Variants in AKAP6 observed in about 807,000 individuals in gnomAD.
AKAP6 encodes the protein A-kinase anchoring protein 6.
In AKAP6, 58 loss-of-function variants were observed where a neutral mutation model predicts 188.5. That is an observed-to-expected ratio of 0.31 (90% CI 0.25 to 0.38). The LOEUF (loss-of-function observed/expected upper bound fraction) is 0.38, where lower values mean the gene tolerates loss of function less well. Among genes scored for constraint, AKAP6 ranks in the 10% least tolerant of loss-of-function variants. The pLI is 1.00. For missense variants in AKAP6, 2,710 were observed against 2,740.0 expected (o/e 0.99, Z 0.24); for synonymous variants, 989 against 998.6 (o/e 0.99, Z 0.18).
chr14:32,717,500 C>T (rs2030280860), intron 9 of AKAP6, among the ~76,000 whole-genome samples: 1 of 151,802 alleles, frequency 6.6e-6, no homozygotes, highest in South Asian at 2.1e-4. Context: ...TTGTAACTTC[C>T]CCTATTTACT....
At chr14:32,694,382 C>T (rs35990379) in intron 8 of AKAP6, among the ~76,000 whole-genome samples, 57,652 of 146,338 alleles carry the variant, frequency 0.39, 12,053 homozygotes, top group Admixed American at 0.5. Flanking sequence ...CAAAAAAAAG[C>T]GTGGTCCATG....
chr14:32,791,667 T>C (rs1394391916), intron 12 of AKAP6, among the ~76,000 whole-genome samples: 6 of 152,196 alleles, frequency 3.9e-5, no homozygotes, highest in Admixed American at 3.9e-4. Context: ...GCAATTGCTT[T>C]TGGTGTTTTA....
At position 32,591,651 on chromosome 14, in the gene AKAP6, T is replaced by C. The variant is rs200696986; in HGVS notation, c.2470-7759T>C. ...TCTTCATATCTCAGTGTCTTCTCTT[T>C]TTTTTTTTTTTTTCAAAAGGAAAAC... On this transcript the variant is annotated intron_variant, in intron 5 of 13. Transcript: ENST00000280979. Among the ~76,000 whole-genome samples the C allele has an allele frequency of 0.011, 960 of 87,054 alleles. 56 individuals are homozygous for C. The East Asian group carries it at 0.16, about 15-fold the overall frequency. The allele number at this position is 87,054 out of a possible 152,430, so 57.1% of individuals were successfully genotyped here. A position where few individuals can be genotyped will look rare whatever the true frequency, so the allele number is the denominator to read the frequency against.
At chr14:32,481,281 G>A (rs1410723121) in intron 2 of AKAP6, among the ~76,000 whole-genome samples, 1 of 152,162 alleles carries the variant, frequency 6.6e-6, no homozygotes, top group Non-Finnish European at 1.5e-5. Context: ...CTGCCTCACA[G>A]TTCGCAGATC....
At chr14:32,471,714 T>C (rs1878793831) in intron 2 of AKAP6, among the ~76,000 whole-genome samples, 1 of 152,200 alleles carries the variant, frequency 6.6e-6, no homozygotes. Flanking sequence ...CATTGAGACA[T>C]GTACCTCCAT....
intron 2 of AKAP6, among the ~76,000 whole-genome samples, chr14:32,532,536 G>T (rs17099228): frequency 6.6e-6 from 1 of 152,130 alleles, no homozygotes; most frequent in African/African-American, 2.4e-5. Flanking sequence ...GCCAAATCAT[G>T]TATAAGAGGA....
intron 8 of AKAP6, among the ~76,000 whole-genome samples, chr14:32,694,915 T>C (rs1029110720): frequency 2.0e-5 from 3 of 152,176 alleles, no homozygotes; most frequent in Admixed American, 6.5e-5. Flanking sequence ...TCATTAGTAC[T>C]GATAGGGTTT....
chr14:32,829,662 C>CT (rs1013608387), intron 13 of AKAP6, among the ~76,000 whole-genome samples, 186 bp from the exon 14 acceptor site: 5 of 151,256 alleles, frequency 3.3e-5, no homozygotes, highest in African/African-American at 7.3e-5. Context: ...TACGCTGAGA[C>CT]TTTTTTTGTC....
intron 1 of AKAP6, among the ~76,000 whole-genome samples, chr14:32,379,372 G>C (rs1359423117): frequency 6.6e-6 from 1 of 152,128 alleles, no homozygotes; most frequent in Non-Finnish European, 1.5e-5. Flanking sequence ...CTGTAATACA[G>C]GTTCTCTGTT....
At chr14:32,590,957 A>T (rs1480850697) in intron 5 of AKAP6, among the ~76,000 whole-genome samples, 2 of 152,214 alleles carry the variant, frequency 1.3e-5, no homozygotes, top group African/African-American at 4.8e-5. Context: ...GTTGGAATAG[A>T]TCTGCCCCAG....
At chr14:32,564,041 TA>T (rs1394316732) in intron 4 of AKAP6, among the ~76,000 whole-genome samples, 1 of 152,198 alleles carries the variant, frequency 6.6e-6, no homozygotes, top group African/African-American at 2.4e-5. Flanking sequence ...GTCCCTTATG[TA>T]AATTGTATAG....
At position 32,671,870 on chromosome 14, in the gene AKAP6, G is replaced by A. The variant is rs367803702; in HGVS notation, c.2731-6441G>A. ...CCAACAAAGAATTCTGGGACGTGAA[G>A]TGATAAATCAGTCAAATTAGCAAAA... is the stretch of plus-strand genomic sequence containing the variant. On this transcript the variant is annotated intron_variant, in intron 7 of 13. Transcript: ENST00000280979. Among the ~76,000 whole-genome samples, 234 of 152,284 alleles carry A rather than the reference G, an allele frequency of 1.5e-3. 2 individuals are homozygous for A. Among genetic ancestry groups the A allele is most frequent in the South Asian group, 6.2e-3 (30 of 4,822 alleles).
chr14:32,516,497 G>T (rs187668341), intron 2 of AKAP6, among the ~76,000 whole-genome samples: 2 of 152,110 alleles, frequency 1.3e-5, no homozygotes, highest in African/African-American at 2.4e-5. Context: ...ACCTTGATCA[G>T]GTTTCTTATA....
intron 5 of AKAP6, among the ~76,000 whole-genome samples, chr14:32,589,034 T>C (rs941964191): frequency 6.6e-6 from 1 of 152,186 alleles, no homozygotes; most frequent in Non-Finnish European, 1.5e-5. Flanking sequence ...CAGGGTTTTC[T>C]TTTTCCCACT....
chr14:32,769,348 C>T (rs1400811975), intron 11 of AKAP6, among the ~76,000 whole-genome samples: 1 of 151,816 alleles, frequency 6.6e-6, no homozygotes, highest in Admixed American at 6.6e-5. Flanking sequence ...GCGCCTGGCC[C>T]CTCTTGATAA....
At chr14:32,505,108 C>G (rs1358764373) in intron 2 of AKAP6, among the ~76,000 whole-genome samples, 1 of 152,172 alleles carries the variant, frequency 6.6e-6, no homozygotes, top group African/African-American at 2.4e-5. Flanking sequence ...GTACAATCTA[C>G]TATAACCTCT....
chr14:32,408,757 T>C (rs1239098822), intron 1 of AKAP6, among the ~76,000 whole-genome samples: 1 of 151,876 alleles, frequency 6.6e-6, no homozygotes, highest in Non-Finnish European at 1.5e-5. Context: ...GCCTTCACTC[T>C]AATGGTCTTG....
intron 11 of AKAP6, among the ~76,000 whole-genome samples, chr14:32,767,955 C>G (rs986138093): frequency 4.6e-5 from 7 of 152,152 alleles, no homozygotes; most frequent in Admixed American, 2.6e-4. Context: ...TTATTTCTCT[C>G]ACTTTGAGGA....
At chr14:32,828,411 T>A (rs536435326) in intron 13 of AKAP6, among the ~76,000 whole-genome samples, 26 of 152,314 alleles carry the variant, frequency 1.7e-4, no homozygotes, top group African/African-American at 6.0e-4. Flanking sequence ...AATGTTTTGC[T>A]GGATGTGAAG....
Sources: gnomAD v4.1 joint callset for allele counts (sites outside exome capture counted in the v4.1 genomes callset) on GRCh38, gnomAD v4.1.1 for gene constraint, MANE v1.5 for transcripts, NCBI Gene and HGNC (gene_info 2026-07-23, HGNC 2026-07-21) for gene names.